SERPINB10: variants seen among roughly 807,000 people sequenced by gnomAD.
The protein encoded by SERPINB10 is serpin family B member 10.
A neutral mutation model predicts 39.1 loss-of-function variants in SERPINB10; 35 were observed. The ratio of observed to expected loss-of-function variants is 0.90; its 90% CI spans 0.68 to 1.19. The LOEUF is 1.19. Among genes scored for constraint, SERPINB10 ranks in the 50% most tolerant of loss-of-function variants. The probability of loss-of-function intolerance (pLI) is 0.00; values close to 1 mark genes in which losing one functional copy is unlikely to be tolerated. For missense variants in SERPINB10, 546 were observed against 460.5 expected, an observed-to-expected ratio of 1.19 and a Z score of -1.70; for synonymous variants, 190 against 158.1, an observed-to-expected ratio of 1.20 and a Z score of -1.52.
chr18:63,919,236 A>ATTTTTTTTTTTTTT lies in SERPINB10; in HGVS notation c.373-551_373-538dup, dbSNP rs397969917. Among the ~76,000 whole-genome samples, 7 of 142,864 alleles carry ATTTTTTTTTTTTTT rather than the reference A, an allele frequency of 4.9e-5. 2 individuals carry two copies. Among genetic ancestry groups the ATTTTTTTTTTTTTT allele is most frequent in the African/African-American group, 1.0e-4 (4 of 38,896 alleles). 93.7% of individuals were successfully genotyped at this position (142,864 alleles called of 152,430 possible). ...AGGACCAGGAGGAGGTGAAGGCCTC[A>ATTTTTTTTTTTTTT]TTTTTTTTTTTTTTGCCTCAGAATG... On this transcript the variant is annotated intron_variant, in intron 4 of 7. Coordinates refer to ENST00000238508, the MANE Select transcript of SERPINB10 (RefSeq NM_005024.3).
chr18:63,933,643 T>A (rs773633758), intron 7 of SERPINB10, among the ~76,000 whole-genome samples: 7 of 152,350 alleles, frequency 4.6e-5, no homozygotes, highest in Non-Finnish European at 8.8e-5. Flanking sequence ...TACGCAGACA[T>A]CAAGCTGTCT....
intron 1 of SERPINB10, among the ~76,000 whole-genome samples, chr18:63,912,652 T>C (rs945674570): frequency 1.3e-5 from 2 of 152,004 alleles, no homozygotes; most frequent in African/African-American, 4.8e-5. Context: ...TAAATTAACT[T>C]TTTGATATGC....
At chr18:63,931,435 C>T (rs140530539) in intron 6 of SERPINB10, among the ~76,000 whole-genome samples, 88 of 152,300 alleles carry the variant, frequency 5.8e-4, no homozygotes, top group Middle Eastern at 3.4e-3. Context: ...TGCTAGAGTA[C>T]TCGCAGTAAA....
intron 1 of SERPINB10, among the ~76,000 whole-genome samples, chr18:63,912,016 G>A (rs1026684895): frequency 1.1e-4 from 17 of 151,628 alleles, no homozygotes; most frequent in South Asian, 1.0e-3. Flanking sequence ...GTATTCCTGG[G>A]TATTTTATTT....
In SERPINB10 at chr18:63,915,763, T is replaced by G; in HGVS notation, c.168+85T>G. On this transcript the variant is annotated intron_variant, in intron 2 of 7. Transcript: ENST00000238508. ...TTAACTTCAGTTTTCTCTTGACAAC[T>G]CAATAATTTACATTTCACAATAACA... 3 of 1,169,180 alleles carry G rather than the reference T, an allele frequency of 2.6e-6. No homozygotes were observed. In the South Asian group the frequency reaches 5.1e-5, roughly 20 times the overall value. The allele number at this position is 1,169,180 out of a possible 1,614,324, so 72.4% of individuals were successfully genotyped here.
rs779851948 is a variant in SERPINB10, at chr18:63,915,653, G to C, written c.143G>C (p.Gly48Ala). Residue 48 changes from glycine to alanine, a missense_variant, in exon 2 of 8, where the codon GGT becomes GCT. By Grantham distance (60) the Gly-to-Ala change is moderately conservative (BLOSUM62 0). Transcript: ENST00000238508. ...SLTIVYLGAK[G>A]TTAAQMAQVL... is the part of the protein sequence containing the mutation. ...ACCATAGTGTATTTGGGCGCCAAAG[G>C]TACCACTGCAGCCCAAATGGCCCAG... 3.1e-6 allele frequency: 5 copies of C among 1,611,390 alleles called. No homozygotes were observed. The East Asian group carries it at 1.1e-4, about 36-fold the overall frequency.
chr18:63,915,771 T>A, intron 2 of SERPINB10, 93 bp downstream of exon 2: 1 of 1,081,810 alleles, frequency 9.2e-7, no homozygotes, highest in Non-Finnish European at 1.3e-6. Context: ...ACTCAATAAT[T>A]TACATTTCAC....
chr18:63,910,065 G>C (rs563763560), intron 1 of SERPINB10, among the ~76,000 whole-genome samples: 1 of 151,884 alleles, frequency 6.6e-6, no homozygotes, highest in Non-Finnish European at 1.5e-5. Context: ...TTATGGCTAG[G>C]GGGGATTCCC....
intron 5 of SERPINB10, among the ~76,000 whole-genome samples, chr18:63,929,735 A>AAAAAAAAAAAAAAAAAAAAG (rs2050207543): frequency 1.4e-5 from 1 of 70,394 alleles, no homozygotes; most frequent in Non-Finnish European, 3.3e-5. Context: ...AAAAAAAAAG[A>AAAAAAAAAAAAAAAAAAAAG]AAAAAAAAAA....
intron 5 of SERPINB10, among the ~76,000 whole-genome samples, chr18:63,925,072 G>A (rs77279936): frequency 0.028 from 4,244 of 151,980 alleles, 214 homozygotes; most frequent in African/African-American, 0.097. Context: ...TTTGTTCTAG[G>A]ATTAAGCAAA....
At chr18:63,919,936 GC>G (rs1325184082) in intron 5 of SERPINB10, 31 bp downstream of exon 5, 1 of 1,372,742 alleles carries the variant, frequency 7.3e-7, no homozygotes, top group South Asian at 1.2e-5. Flanking sequence ...TTGGCAGCGT[GC>G]TTTTCCCAAA....
chr18:63,908,959 C>T (rs1336797679), intron 1 of SERPINB10, among the ~76,000 whole-genome samples: 1 of 152,074 alleles, frequency 6.6e-6, no homozygotes, highest in Admixed American at 6.6e-5. Flanking sequence ...GTCAAGATAA[C>T]ACAGTTGCAG....
intron 7 of SERPINB10, among the ~76,000 whole-genome samples, chr18:63,933,616 A>G (rs774869710): frequency 2.0e-5 from 3 of 152,220 alleles, no homozygotes; most frequent in Non-Finnish European, 4.4e-5. Flanking sequence ...AACCATTTGC[A>G]TTAGTATACA....
At chr18:63,917,709 T>A (rs1327153003) in intron 3 of SERPINB10, among the ~76,000 whole-genome samples, 188 bp downstream of exon 3, 1 of 152,008 alleles carries the variant, frequency 6.6e-6, no homozygotes, top group Non-Finnish European at 1.5e-5. Flanking sequence ...CCCCACGCCC[T>A]TTTAATCTCT....
intron 3 of SERPINB10, 42 bp from the exon 4 acceptor site, chr18:63,917,923 C>G: frequency 6.3e-7 from 1 of 1,588,938 alleles, no homozygotes; most frequent in Non-Finnish European, 8.6e-7. Flanking sequence ...GTACGTAACT[C>G]TTGTTCAACA....
rs2050260455 is a variant in SERPINB10, at chr18:63,935,944, T to C, written c.*702T>C. The C allele has an allele frequency of 6.6e-6, 1 of 152,254 alleles. No homozygotes were observed. The highest frequency in any genetic ancestry group is 1.5e-5 in the Non-Finnish European group (1 of 68,056). 9.4% of individuals were successfully genotyped at this position (152,254 alleles called of 1,614,324 possible). ...CAAATGAAATTTGAAGTTTAGCTAG[T>C]AGCAATCTCTCAATGTTGGTGCCCT... is the stretch of plus-strand genomic sequence containing the variant. On this transcript the variant is annotated 3_prime_UTR_variant, in exon 8 of 8. Transcript: ENST00000238508.
At chr18:63,920,326 A>C (rs2050137601) in intron 5 of SERPINB10, among the ~76,000 whole-genome samples, 1 of 152,060 alleles carries the variant, frequency 6.6e-6, no homozygotes, top group African/African-American at 2.4e-5. Flanking sequence ...TATCAGTTAG[A>C]GTATGGATTA....
intron 1 of SERPINB10, among the ~76,000 whole-genome samples, 196 bp from the exon 2 acceptor site, chr18:63,915,306 C>T (rs779927798): frequency 1.3e-5 from 2 of 152,022 alleles, no homozygotes; most frequent in Non-Finnish European, 2.9e-5. Flanking sequence ...AAATTTGAGG[C>T]AATTCCCGTA....
intron 2 of SERPINB10, among the ~76,000 whole-genome samples, chr18:63,917,234 A>C (rs553269071): frequency 6.6e-6 from 1 of 152,172 alleles, no homozygotes; most frequent in South Asian, 2.1e-4. Context: ...AAACATAGGA[A>C]AATAAAGAGA....
Sources: allele counts gnomAD v4.1 joint callset (sites outside exome capture counted in the v4.1 genomes callset), GRCh38; gene constraint gnomAD v4.1.1; transcripts MANE v1.5; gene names NCBI Gene and HGNC (gene_info 2026-07-23, HGNC 2026-07-21).